The following DPP10 variants were observed in gnomAD, a reference collection of about 807,000 sequenced individuals.
The protein encoded by DPP10 is inactive dipeptidyl peptidase 10.
In DPP10, 33 loss-of-function variants were observed where a neutral mutation model predicts 120.9. The observed-to-expected ratio is 0.27, with a 90% confidence interval of 0.21 to 0.37. The LOEUF (loss-of-function observed/expected upper bound fraction) is 0.37, where lower values mean the gene tolerates loss of function less well. Ranked by LOEUF, DPP10 falls within the 10% of genes least tolerant of loss-of-function variation. The pLI, the probability that DPP10 is intolerant of heterozygous loss-of-function variation, is 1.00. For synonymous variants in DPP10, 337 were observed against 326.1 expected, an observed-to-expected ratio of 1.03 and a Z score of -0.36; for missense variants, 816 against 942.8, an observed-to-expected ratio of 0.87 and a Z score of 1.76.
chr2:114,910,588 G>A (rs1031486661), intron 1 of DPP10, among the ~76,000 whole-genome samples: 4 of 151,978 alleles, frequency 2.6e-5, no homozygotes, highest in African/African-American at 7.2e-5. Context: ...TAAGCAGTTT[G>A]TGGTCATTGG....
intron 1 of DPP10, among the ~76,000 whole-genome samples, chr2:115,032,718 T>TG (rs956212671): frequency 6.7e-6 from 1 of 150,088 alleles, no homozygotes; most frequent in Admixed American, 6.7e-5. Context: ...CGGTATCTAC[T>TG]GAAAAAAAAA....
chr2:114,881,706 T>C (rs904161927), intron 1 of DPP10, among the ~76,000 whole-genome samples: 53 of 152,242 alleles, frequency 3.5e-4, no homozygotes, highest in African/African-American at 1.3e-3. Flanking sequence ...GGAATAATTA[T>C]GTGACCTAGA....
Position 114,547,362 on chromosome 2 carries a change from G to T in DPP10, c.60+104524G>T, listed in dbSNP as rs72951860. Among the ~76,000 whole-genome samples, 1,148 of 152,248 alleles carry T rather than the reference G, an allele frequency of 7.5e-3. 10 individuals carry two copies. The highest frequency in any genetic ancestry group is 0.026 in the African/African-American group (1,099 of 41,532). Reference sequence around the variant, plus strand: ...GGATGCAGGCATGGGAGGCATCGGGGTTGGCACCTGCTCCCAGGGAGTGTG... The same window carrying T: ...GGATGCAGGCATGGGAGGCATCGGGTTTGGCACCTGCTCCCAGGGAGTGTG... On this transcript the variant is annotated intron_variant, in intron 1 of 25. Coordinates refer to ENST00000410059, the MANE Select transcript of DPP10 (RefSeq NM_020868.6).
chr2:114,586,161 G>A (rs1446887859), intron 1 of DPP10, among the ~76,000 whole-genome samples: 1 of 152,120 alleles, frequency 6.6e-6, no homozygotes, highest in Non-Finnish European at 1.5e-5. Context: ...TGAGATGGAG[G>A]ATCACTTGAG....
chr2:114,761,447 C>G (rs548029643), intron 1 of DPP10, among the ~76,000 whole-genome samples: 1 of 152,192 alleles, frequency 6.6e-6, no homozygotes, highest in Admixed American at 6.5e-5. Context: ...GAGACTCGCT[C>G]GTATGCTTGT....
chr2:115,182,140 TG>T (rs1397593937), intron 1 of DPP10, among the ~76,000 whole-genome samples: 1 of 152,192 alleles, frequency 6.6e-6, no homozygotes, highest in Admixed American at 6.5e-5. Context: ...ATGTACCGCT[TG>T]GTTGAAAAAG....
intron 1 of DPP10, among the ~76,000 whole-genome samples, chr2:114,689,139 A>G (rs1699570211): frequency 6.6e-6 from 1 of 151,776 alleles, no homozygotes; most frequent in Non-Finnish European, 1.5e-5. Flanking sequence ...ACATAGGTAA[A>G]CATGTGCCAT....
At chr2:115,554,727 T>C (rs1216961335) in intron 5 of DPP10, among the ~76,000 whole-genome samples, 1 of 152,144 alleles carries the variant, frequency 6.6e-6, no homozygotes, top group African/African-American at 2.4e-5. Context: ...CTGTATACTC[T>C]GTTCTGTTCT....
chr2:115,714,594 C>G (rs1375486176), intron 7 of DPP10, among the ~76,000 whole-genome samples: 1 of 152,218 alleles, frequency 6.6e-6, no homozygotes, highest in Non-Finnish European at 1.5e-5. Context: ...CCCACTCTTT[C>G]TCTAGCATAC....
At chr2:114,915,190 A>T (rs1025941752) in intron 1 of DPP10, among the ~76,000 whole-genome samples, 1 of 152,218 alleles carries the variant, frequency 6.6e-6, no homozygotes, top group South Asian at 2.1e-4. Context: ...AATGGAAAAC[A>T]AAAAGAGCAG....
At chr2:114,742,075 T>C (rs1425394445) in intron 1 of DPP10, among the ~76,000 whole-genome samples, 1 of 152,224 alleles carries the variant, frequency 6.6e-6, no homozygotes, top group Non-Finnish European at 1.5e-5. Flanking sequence ...AAGGTATCTC[T>C]TCTTTACTGA....
At chr2:114,487,681 T>G (rs1344208996) in intron 1 of DPP10, among the ~76,000 whole-genome samples, 1 of 152,308 alleles carries the variant, frequency 6.6e-6, no homozygotes, top group South Asian at 2.1e-4. Context: ...AAATAAAAAT[T>G]TGCTGAAACA....
intron 5 of DPP10, among the ~76,000 whole-genome samples, chr2:115,627,570 A>G (rs1227450215): frequency 1.3e-5 from 2 of 152,176 alleles, no homozygotes; most frequent in African/African-American, 4.8e-5. Context: ...CAGGATGTGC[A>G]GGTTTGTTAC....
intron 1 of DPP10, among the ~76,000 whole-genome samples, chr2:115,044,427 A>G (rs1176459913): frequency 6.6e-6 from 1 of 152,174 alleles, no homozygotes; most frequent in East Asian, 1.9e-4. Flanking sequence ...GGTTTGTTAC[A>G]TATGTATACA....
At chr2:115,438,078 T>C (rs1384537061) in intron 3 of DPP10, among the ~76,000 whole-genome samples, 5 of 151,970 alleles carry the variant, frequency 3.3e-5, no homozygotes, top group Non-Finnish European at 7.4e-5. Flanking sequence ...GGATGAAATC[T>C]CAAATTAAAC....
chr2:114,747,205 A>G (rs758790642), intron 1 of DPP10, among the ~76,000 whole-genome samples: 1 of 152,140 alleles, frequency 6.6e-6, no homozygotes, highest in East Asian at 1.9e-4. Context: ...AGTCACACAC[A>G]CAGTATTATT....
intron 1 of DPP10, among the ~76,000 whole-genome samples, chr2:114,929,947 T>C (rs1002775263): frequency 8.5e-5 from 13 of 152,196 alleles, no homozygotes; most frequent in Admixed American, 2.6e-4. Context: ...TCACAATTTA[T>C]GTTCTTCTGC....
chr2:115,597,698 C>A (rs2083073960), intron 5 of DPP10, among the ~76,000 whole-genome samples: 1 of 151,842 alleles, frequency 6.6e-6, no homozygotes. Flanking sequence ...AATAAAAAAA[C>A]TTTCAAAATC....
chr2:115,480,174 C>T (rs1173932533), intron 3 of DPP10, among the ~76,000 whole-genome samples: 2 of 152,004 alleles, frequency 1.3e-5, no homozygotes, highest in African/African-American at 4.8e-5. Flanking sequence ...TTCTGGCTCC[C>T]CCGTTCTCTT....
Sources: allele counts gnomAD v4.1 joint callset (sites outside exome capture counted in the v4.1 genomes callset), GRCh38; gene constraint gnomAD v4.1.1; transcripts MANE v1.5; gene names NCBI Gene and HGNC (gene_info 2026-07-23, HGNC 2026-07-21).